The following C6orf58 variants were observed in gnomAD, a reference collection of about 807,000 sequenced individuals.
C6orf58 encodes the protein chromosome 6 open reading frame 58.
C6orf58 carries 30 observed loss-of-function variants against 37.0 expected under a neutral mutation model. That is an observed-to-expected ratio of 0.81 (90% CI 0.61 to 1.10). C6orf58 has a LOEUF of 1.10. C6orf58 is among the 50% of genes least tolerant of loss of function. The pLI is 0.00. For synonymous variants in C6orf58, 143 were observed against 134.1 expected, an observed-to-expected ratio of 1.07 and a Z score of -0.46; for missense variants, 368 against 387.5, an observed-to-expected ratio of 0.95 and a Z score of 0.42.
chr6:127,578,371 C>T (rs1260861004), intron 1 of C6orf58, among the ~76,000 whole-genome samples: 1 of 151,978 alleles, frequency 6.6e-6, no homozygotes, highest in Non-Finnish European at 1.5e-5. Context: ...TCGACCATCT[C>T]TTTTCATCTG....
intron 4 of C6orf58, among the ~76,000 whole-genome samples, chr6:127,587,502 A>T (rs1293540433): frequency 6.6e-6 from 1 of 152,210 alleles, no homozygotes; most frequent in Non-Finnish European, 1.5e-5. Flanking sequence ...GAAGATTTCA[A>T]ATACCTGCTT....
chr6:127,581,335 C>A, intron 4 of C6orf58, 53 bp downstream of exon 4: 1 of 763,184 alleles, frequency 1.3e-6, no homozygotes, highest in South Asian at 2.7e-5. Flanking sequence ...TAATTTTGGG[C>A]ATTATTTATA....
In C6orf58 at chr6:127,591,559, A is replaced by G; in HGVS notation, c.930A>G (p.Glu310=). Residue 310 remains glutamate (E), a synonymous_variant, in exon 6 of 6, where the codon GAA becomes GAG. Transcript: ENST00000329722. The stretch of plus-strand genomic sequence containing the variant: ...CTTTTACAGGTTATCTTTGTACAGA[A>G]AAATCTAATGTATATAGAGATCATT... ...VDKSIGYLCT[E]KSNVYRDHSE... is the part of the protein sequence containing the mutation. 6.6e-7 allele frequency: 1 copy of G among 1,522,590 alleles called. No individual in the cohort carries two copies. Among genetic ancestry groups the G allele is most frequent in the South Asian group, 1.4e-5 (1 of 73,062 alleles). 94.3% of individuals were successfully genotyped at this position (1,522,590 alleles called of 1,614,324 possible). A position where few individuals can be genotyped will look rare whatever the true frequency, so the allele number is the denominator to read the frequency against.
In C6orf58 at chr6:127,580,292, C is replaced by T. The variant is rs1775034816; in HGVS notation, c.416C>T (p.Pro139Leu). Reference sequence around the variant, plus strand: ...TTGAATTATTTTCTGTCTTCATTACCCTTTCTTGCTGCGGTTGATTCTGGT... The same window carrying T: ...TTGAATTATTTTCTGTCTTCATTACTCTTTCTTGCTGCGGTTGATTCTGGT... ...ADLNYFLSSL[P>L]FLAAVDSGVM... The change falls in exon 3 of 6, where the codon CCC becomes CTC. Residue 139 changes from proline to leucine, a missense_variant. Physicochemically the swap from Pro to Leu is moderately conservative, Grantham distance 98. Transcript: ENST00000329722. 5 of 1,610,470 alleles carry T rather than the reference C, an allele frequency of 3.1e-6. No homozygotes were observed. The highest frequency in any genetic ancestry group is 4.2e-6 in the Non-Finnish European group (5 of 1,177,824).
chr6:127,585,048 C>T (rs772559445), intron 4 of C6orf58, among the ~76,000 whole-genome samples: 2 of 152,130 alleles, frequency 1.3e-5, no homozygotes, highest in Non-Finnish European at 2.9e-5. Flanking sequence ...TGGGAACTCT[C>T]ATTCGGTCCA....
At position 127,580,448 on chromosome 6, in the gene C6orf58, A is replaced by G. The variant is rs767566862; in HGVS notation, c.572A>G (p.Gln191Arg). ...ATGAACAAGTGGAACACCTTTTACC[A>G]GGTTCCTTCTTTATACTCTTACGAG... is the stretch of plus-strand genomic sequence containing the variant. ...ETMNKWNTFY[Q>R]YLQSPFSKFD... The change falls in exon 3 of 6, where the codon CAG (glutamine) becomes CGG (arginine). Residue 191 changes from glutamine (Q) to arginine (R), a missense_variant and splice_region_variant. Gln to Arg is a conservative substitution (Grantham distance 43). Coordinates refer to ENST00000329722, the MANE Select transcript of C6orf58 (RefSeq NM_001010905.3). 6.2e-7 allele frequency: 1 copy of G among 1,608,942 alleles called. No homozygotes were observed. Among genetic ancestry groups the G allele is most frequent in the East Asian group, 2.2e-5 (1 of 44,798 alleles).
At chr6:127,589,642 A>T (rs1775140839) in intron 4 of C6orf58, among the ~76,000 whole-genome samples, 2 of 152,112 alleles carry the variant, frequency 1.3e-5, no homozygotes, top group Non-Finnish European at 2.9e-5. Flanking sequence ...TTAGATCTAG[A>T]TATTATTTTT....
chr6:127,591,076 T>C (rs1775157901), intron 5 of C6orf58, among the ~76,000 whole-genome samples: 1 of 152,036 alleles, frequency 6.6e-6, no homozygotes, highest in South Asian at 2.1e-4. Flanking sequence ...ACAATTGAAG[T>C]TTTTCCTTTG....
chr6:127,580,193 T>A, intron 2 of C6orf58, 72 bp from the exon 3 acceptor site: 1 of 1,201,764 alleles, frequency 8.3e-7, no homozygotes, highest in Non-Finnish European at 1.2e-6. Context: ...TTATGACTTA[T>A]GCCTTCCTTA....
intron 4 of C6orf58, among the ~76,000 whole-genome samples, chr6:127,584,079 A>G (rs1775079689): frequency 6.6e-6 from 1 of 152,176 alleles, no homozygotes; most frequent in South Asian, 2.1e-4. Flanking sequence ...GAGTGCCTAT[A>G]TTGCTAGAGA....
chr6:127,590,001 G>A, intron 4 of C6orf58, 86 bp from the exon 5 acceptor site: 5 of 858,758 alleles, frequency 5.8e-6, no homozygotes, highest in Non-Finnish European at 7.4e-6. Flanking sequence ...TAGTTTGTTG[G>A]CAAGAACCAA....
chr6:127,580,834 T>A (rs1775042127), intron 3 of C6orf58, among the ~76,000 whole-genome samples: 2 of 152,106 alleles, frequency 1.3e-5, no homozygotes, highest in Admixed American at 1.3e-4. Context: ...TTGCATTAGT[T>A]TAGATCTAAT....
intron 4 of C6orf58, among the ~76,000 whole-genome samples, chr6:127,587,508 T>C (rs1775119338): frequency 6.6e-6 from 1 of 152,218 alleles, no homozygotes; most frequent in Admixed American, 6.5e-5. Flanking sequence ...TTCAAATACC[T>C]GCTTATGTGC....
chr6:127,591,370 T>A (rs887446618), intron 5 of C6orf58, among the ~76,000 whole-genome samples, 173 bp from the exon 6 acceptor site: 1 of 152,186 alleles, frequency 6.6e-6, no homozygotes, highest in East Asian at 1.9e-4. Flanking sequence ...CCAAATGGTA[T>A]TGCCAATAAT....
In C6orf58 at chr6:127,577,646, C is replaced by G. The variant is rs1019860899; in HGVS notation, c.301+160C>G. Among the ~76,000 whole-genome samples, 25 of 152,070 alleles carry G rather than the reference C, an allele frequency of 1.6e-4. 1 individual carries two copies. Among genetic ancestry groups the G allele is most frequent in the African/African-American group, 6.0e-4 (25 of 41,426 alleles). ...CATTGTTTTTCTACCTATCCTTCTC[C>G]TTATCCACAAATCCTTCTTTTGTGG... On this transcript the variant is annotated intron_variant, in intron 1 of 5. Transcript: ENST00000329722.
rs1039215406 is a variant in C6orf58, at chr6:127,591,677, G to A, written c.*55G>A. The stretch of plus-strand genomic sequence containing the variant: ...TTAATGAATTAAAAATGAAAAACTC[G>A]AACTTGACAATCAGTAATTTCAAAA... On this transcript the variant is annotated 3_prime_UTR_variant, in exon 6 of 6. Coordinates refer to ENST00000329722, the MANE Select transcript of C6orf58 (RefSeq NM_001010905.3). 2.5e-5 allele frequency: 35 copies of A among 1,392,440 alleles called. No homozygotes were observed. Among genetic ancestry groups the A allele is most frequent in the South Asian group, 1.0e-4 (6 of 58,268 alleles). The allele number at this position is 1,392,440 out of a possible 1,614,324, so 86.3% of individuals were successfully genotyped here.
intron 4 of C6orf58, 146 bp from the exon 5 acceptor site, chr6:127,589,941 A>G (rs1775143341): frequency 8.1e-6 from 5 of 620,916 alleles, no homozygotes; most frequent in Non-Finnish European, 1.1e-5. Context: ...GGGATGGAAT[A>G]AAGTCATCAC....
intron 5 of C6orf58, among the ~76,000 whole-genome samples, chr6:127,590,790 G>A (rs1775154316): frequency 6.6e-6 from 1 of 151,912 alleles, no homozygotes; most frequent in Non-Finnish European, 1.5e-5. Flanking sequence ...ATGGAAGAAG[G>A]GTTTTATTCT....
rs532698102 is a variant in C6orf58, at chr6:127,591,021, A to G, written c.914-522A>G. On this transcript the variant is annotated intron_variant, in intron 5 of 5. Coordinates refer to ENST00000329722, the MANE Select transcript of C6orf58 (RefSeq NM_001010905.3). ...ACCTATGTTTAAAAAAAACCTCTGCATCAGTTAGAGTAACAAAAACATCCA... is the reference window on the plus strand; with the variant it reads ...ACCTATGTTTAAAAAAAACCTCTGCGTCAGTTAGAGTAACAAAAACATCCA... Among the ~76,000 whole-genome samples the G allele has an allele frequency of 2.4e-4, 37 of 152,286 alleles. 1 individual carries two copies. The South Asian group carries it at 7.5e-3, about 31-fold the overall frequency.
Sources: allele counts gnomAD v4.1 joint callset (sites outside exome capture counted in the v4.1 genomes callset), GRCh38; gene constraint gnomAD v4.1.1; transcripts MANE v1.5; gene names NCBI Gene and HGNC (gene_info 2026-07-23, HGNC 2026-07-21).